VPS54: variants seen among roughly 807,000 people sequenced by gnomAD.
The protein encoded by VPS54 is vacuolar protein sorting-associated protein 54.
VPS54 carries 45 observed loss-of-function variants against 121.5 expected under a neutral mutation model. The ratio of observed to expected loss-of-function variants is 0.37; its 90% CI spans 0.29 to 0.47. The LOEUF (loss-of-function observed/expected upper bound fraction) is 0.47. VPS54 is among the 20% of genes least tolerant of loss of function. The probability of loss-of-function intolerance (pLI) is 0.99; values close to 1 mark genes in which losing one functional copy is unlikely to be tolerated. For synonymous variants in VPS54, 371 were observed against 385.8 expected (o/e 0.96, Z 0.45); for missense variants, 1,090 against 1,131.4 (o/e 0.96, Z 0.52).
intron 20 of VPS54, among the ~76,000 whole-genome samples, chr2:63,907,673 A>C (rs1387440052): frequency 1.3e-5 from 2 of 152,170 alleles, no homozygotes; most frequent in Admixed American, 1.3e-4. Context: ...CTGGGAGAAA[A>C]TACTTAGAAA....
At chr2:63,922,301 G>T (rs970479193) in intron 12 of VPS54, among the ~76,000 whole-genome samples, 1 of 152,116 alleles carries the variant, frequency 6.6e-6, no homozygotes, top group African/African-American at 2.4e-5. Flanking sequence ...TGAGCCAAGT[G>T]AAGTACCTTA....
intron 11 of VPS54, among the ~76,000 whole-genome samples, chr2:63,939,309 T>C (rs1279285334): frequency 2.0e-5 from 3 of 152,124 alleles, no homozygotes; most frequent in Admixed American, 6.6e-5. Context: ...GAGGCAGAGA[T>C]TGAAGTGAGC....
At chr2:64,014,877 T>A (rs1678606046) in intron 1 of VPS54, among the ~76,000 whole-genome samples, 1 of 152,172 alleles carries the variant, frequency 6.6e-6, no homozygotes, top group Admixed American at 6.5e-5. Context: ...ATAGCAAAAG[T>A]GATCTCAACT....
intron 1 of VPS54, among the ~76,000 whole-genome samples, chr2:63,989,515 C>T (rs549480028): frequency 1.2e-3 from 181 of 152,266 alleles, no homozygotes; most frequent in Middle Eastern, 0.01. Flanking sequence ...AAAGAACCCA[C>T]GTTGAAATAT....
At chr2:63,897,989 A>G (rs1191319421) in intron 21 of VPS54, among the ~76,000 whole-genome samples, 3 of 152,348 alleles carry the variant, frequency 2.0e-5, no homozygotes, top group Middle Eastern at 3.4e-3. Context: ...TTGTTCTTGC[A>G]TGCAATGACC....
intron 1 of VPS54, among the ~76,000 whole-genome samples, chr2:64,006,694 C>T (rs1218767089): frequency 6.6e-6 from 1 of 152,194 alleles, no homozygotes; most frequent in African/African-American, 2.4e-5. Context: ...CGCGGCTTCA[C>T]TGCAACCTCC....
intron 3 of VPS54, among the ~76,000 whole-genome samples, chr2:63,976,368 A>C (rs1022191416): frequency 2.0e-5 from 3 of 151,134 alleles, no homozygotes; most frequent in Admixed American, 6.6e-5. Context: ...AAAAAAACAA[A>C]AAACAAAAAA....
chr2:63,916,994 A>G (rs1329185994), intron 15 of VPS54, 31 bp from the exon 16 acceptor site: 1 of 1,609,220 alleles, frequency 6.2e-7, no homozygotes, highest in East Asian at 2.2e-5. Context: ...ACGAGAGACA[A>G]GAGTACCAGA....
chr2:63,929,862 C>T lies in VPS54; in HGVS notation c.1739+3811G>A, dbSNP rs1416322143. 2.0e-5 allele frequency among the ~76,000 whole-genome samples: 3 copies of T among 152,164 alleles called. No homozygotes were observed. The East Asian group carries it at 5.8e-4, about 29-fold the overall frequency. ...ACCAACCCCACAGAAATACAAACTACCATCAGAGAATACTACAAACACCTC... is the reference window on the plus strand; with the variant it reads ...ACCAACCCCACAGAAATACAAACTATCATCAGAGAATACTACAAACACCTC... On this transcript the variant is annotated intron_variant, in intron 12 of 22. Coordinates refer to ENST00000272322, the MANE Select transcript of VPS54 (RefSeq NM_016516.3).
intron 1 of VPS54, among the ~76,000 whole-genome samples, chr2:63,992,105 C>A (rs1029613103): frequency 6.6e-6 from 1 of 152,166 alleles, no homozygotes; most frequent in African/African-American, 2.4e-5. Context: ...TTAAACTAAT[C>A]GTGTCTGCCA....
Position 63,912,417 on chromosome 2 carries a change from A to G in VPS54, c.2553T>C (p.His851=), listed in dbSNP as rs1405083459. Residue 851 remains histidine (H), a synonymous_variant, in exon 20 of 23, where the codon CAT becomes CAC. Transcript: ENST00000272322. The part of the protein sequence containing the change: ...RHFDHITKDY[H]DHIAEISAKL... ...TAGCTGATATTTCAGCTATGTGATC[A>G]TGGTAGTCCTGCAATGAGAAATGAT... 1.9e-6 allele frequency: 3 copies of G among 1,612,518 alleles called. No homozygotes were observed. Among genetic ancestry groups the G allele is most frequent in the Admixed American group, 1.7e-5 (1 of 59,880 alleles).
At chr2:64,009,499 A>G (rs978426327) in intron 1 of VPS54, among the ~76,000 whole-genome samples, 1 of 152,038 alleles carries the variant, frequency 6.6e-6, no homozygotes, top group Non-Finnish European at 1.5e-5. Context: ...TATTTTTAGT[A>G]TAGACAGGGT....
At chr2:63,975,173 G>C (rs761580271) in intron 3 of VPS54, 10 of 684,464 alleles carry the variant, frequency 1.5e-5, no homozygotes, top group Non-Finnish European at 2.3e-5. Context: ...AGCCTCCCAA[G>C]TAGCTGAAAT....
intron 7 of VPS54, among the ~76,000 whole-genome samples, chr2:63,953,295 C>T (rs560694205): frequency 2.0e-5 from 3 of 151,944 alleles, no homozygotes; most frequent in Non-Finnish European, 4.4e-5. Flanking sequence ...CCACACCCAG[C>T]TAATTTTTGT....
rs760181099 is a variant in VPS54 at position 63,962,365 on chromosome 2, T to C, written c.703A>G (p.Met235Val). 11 of 1,613,872 alleles carry C rather than the reference T, an allele frequency of 6.8e-6. No homozygotes were observed. The highest frequency in any genetic ancestry group is 3.3e-5 in the Admixed American group (2 of 59,976). ...SLRSEAFFHA[M>V]TSQHELQDYL... is the part of the protein sequence containing the mutation. ...TCCTGCAACTCGTGTTGAGAGGTCA[T>C]TGCATGAAAAAATGCTTCTGAACGT... Residue 235 changes from methionine to valine, a missense_variant, in exon 7 of 23, where the codon ATG becomes GTG. Met to Val is a conservative substitution (Grantham distance 21). Coordinates refer to ENST00000272322, the MANE Select transcript of VPS54 (RefSeq NM_016516.3).
chr2:63,944,454 G>T, intron 10 of VPS54, 146 bp downstream of exon 10: 1 of 781,988 alleles, frequency 1.3e-6, no homozygotes, highest in Non-Finnish European at 2.1e-6. Context: ...CACTGTCTTC[G>T]TTCCACACTG....
At position 63,900,920 on chromosome 2, in the gene VPS54, G is replaced by A. The variant is rs377476226; in HGVS notation, c.2626-1339C>T. Among the ~76,000 whole-genome samples, 15 of 151,942 alleles carry A rather than the reference G, an allele frequency of 9.9e-5. No homozygotes were observed. In the East Asian group the frequency reaches 1.3e-3, roughly 14 times the overall value. The stretch of plus-strand genomic sequence containing the variant: ...TGGGACTACAGGTACTTGCCACCCC[G>A]CCCAGGTAATTTTTTGTTTTTAGTA... On this transcript the variant is annotated intron_variant, in intron 20 of 22. Coordinates refer to ENST00000272322, the MANE Select transcript of VPS54 (RefSeq NM_016516.3).
chr2:63,922,336 GA>G (rs1673685386), intron 12 of VPS54, among the ~76,000 whole-genome samples: 2 of 152,128 alleles, frequency 1.3e-5, no homozygotes, highest in Admixed American at 1.3e-4. Flanking sequence ...TCTTTCAGTT[GA>G]ATTAAAATAC....
chr2:64,012,422 T>C (rs1205020776), intron 1 of VPS54, among the ~76,000 whole-genome samples: 1 of 146,966 alleles, frequency 6.8e-6, no homozygotes, highest in African/African-American at 2.5e-5. Context: ...CCTAGCCTAC[T>C]TCCAACAACG....
Sources: allele counts gnomAD v4.1 joint callset (sites outside exome capture counted in the v4.1 genomes callset), GRCh38; gene constraint gnomAD v4.1.1; transcripts MANE v1.5; gene names NCBI Gene and HGNC (gene_info 2026-07-23, HGNC 2026-07-21).